Variants in EDEM3 observed in about 807,000 individuals in gnomAD.
The protein encoded by EDEM3 is ER degradation enhancing alpha-mannosidase like protein 3, also known as ER degradation-enhancing alpha-mannosidase-like protein 3.
A neutral mutation model predicts 110.2 loss-of-function variants in EDEM3; 60 were observed. That is an observed-to-expected ratio of 0.54 (90% CI 0.44 to 0.67). The LOEUF (loss-of-function observed/expected upper bound fraction) is 0.67, where lower values mean the gene tolerates loss of function less well. Among genes scored for constraint, EDEM3 ranks in the 30% least tolerant of loss-of-function variants. The pLI, the probability that EDEM3 is intolerant of heterozygous loss-of-function variation, is 0.00. For synonymous variants in EDEM3, 352 were observed against 382.9 expected (o/e 0.92, Z 0.94); for missense variants, 996 against 1,121.0 (o/e 0.89, Z 1.59).
At chr1:184,727,247 G>A (rs966695247) in intron 6 of EDEM3, among the ~76,000 whole-genome samples, 2 of 152,158 alleles carry the variant, frequency 1.3e-5, no homozygotes, top group African/African-American at 2.4e-5. Flanking sequence ...CTGAGATAGC[G>A]CCACAGCACT....
Position 184,691,619 on chromosome 1 carries a change from A to G in EDEM3, c.*2444T>C, listed in dbSNP as rs975565451. ...ATAAAAGTTAACTAAAAAACAAAAC[A>G]CTAAAAAAAAAAAAAACAACTAATG... On this transcript the variant is annotated 3_prime_UTR_variant, in exon 20 of 20. Transcript: ENST00000318130. 9 of 150,612 alleles carry G rather than the reference A, an allele frequency of 6.0e-5. No homozygotes were observed. Among genetic ancestry groups the G allele is most frequent in the African/African-American group, 2.2e-4 (9 of 40,596 alleles). The allele number at this position is 150,612 out of a possible 1,614,324, so 9.3% of individuals were successfully genotyped here. A position where few individuals can be genotyped will look rare whatever the true frequency, so the allele number is the denominator to read the frequency against.
At chr1:184,719,858 G>A (rs533720108) in intron 9 of EDEM3, among the ~76,000 whole-genome samples, 22 of 152,328 alleles carry the variant, frequency 1.4e-4, no homozygotes, top group South Asian at 4.1e-4. Context: ...GCGTTAGCCC[G>A]TGGTTGGTAT....
chr1:184,749,637 A>C (rs1298710132), intron 1 of EDEM3, 45 bp from the exon 2 acceptor site: 5 of 1,301,504 alleles, frequency 3.8e-6, no homozygotes, highest in Non-Finnish European at 5.3e-6. Flanking sequence ...AAAAAAAGGT[A>C]AGTATATTCT....
rs1417002670 is a variant in EDEM3, at chr1:184,734,083, T to C, written c.458+448A>G. On this transcript the variant is annotated intron_variant, in intron 5 of 19. Coordinates refer to ENST00000318130, the MANE Select transcript of EDEM3 (RefSeq NM_025191.4). ...AAGGTAATGCCACAGACTCTGTGTTTCATAATGTTCCAACTTACATCTTTT... is the reference window on the plus strand; with the variant it reads ...AAGGTAATGCCACAGACTCTGTGTTCCATAATGTTCCAACTTACATCTTTT... Among the ~76,000 whole-genome samples, 3 of 152,234 alleles carry C rather than the reference T, an allele frequency of 2.0e-5. No individual in the cohort carries two copies. In the East Asian group the frequency reaches 5.8e-4, roughly 29 times the overall value.
In EDEM3 at chr1:184,717,526, G is replaced by T; in HGVS notation, c.1245+14C>A. ...GAGGCTAAACTTTAAGTAAAATGGGGTATATTTTCTTACTTTATATAAGAA... is the reference window on the plus strand; with the variant it reads ...GAGGCTAAACTTTAAGTAAAATGGGTTATATTTTCTTACTTTATATAAGAA... On this transcript the variant is annotated intron_variant, in intron 12 of 19. Transcript: ENST00000318130. 6.9e-6 allele frequency: 11 copies of T among 1,590,886 alleles called. No homozygotes were observed. Among genetic ancestry groups the T allele is most frequent in the Non-Finnish European group, 8.6e-6 (10 of 1,165,866 alleles).
At chr1:184,703,748 C>T (rs1444419648) in intron 18 of EDEM3, among the ~76,000 whole-genome samples, 1 of 152,138 alleles carries the variant, frequency 6.6e-6, no homozygotes, top group Non-Finnish European at 1.5e-5. Flanking sequence ...GAATGCATGA[C>T]CCATCCTCTT....
chr1:184,698,006 G>A (rs1649418889), intron 19 of EDEM3, among the ~76,000 whole-genome samples: 1 of 151,590 alleles, frequency 6.6e-6, no homozygotes, highest in South Asian at 2.1e-4. Context: ...CACACAAACA[G>A]AGAGGTCCTA....
chr1:184,704,912 A>G (rs907428333), intron 18 of EDEM3, among the ~76,000 whole-genome samples: 6 of 151,424 alleles, frequency 4.0e-5, no homozygotes, highest in Admixed American at 6.6e-5. Context: ...AAAAAAATAT[A>G]TATAAAAATT....
At chr1:184,727,593 T>C (rs544000205) in intron 6 of EDEM3, among the ~76,000 whole-genome samples, 1 of 152,266 alleles carries the variant, frequency 6.6e-6, no homozygotes, top group South Asian at 2.1e-4. Flanking sequence ...ATTCCAGGCA[T>C]TTCTAAACAA....
rs563076370 is a variant in EDEM3, at chr1:184,690,294, C to A, written c.*3769G>T. On this transcript the variant is annotated 3_prime_UTR_variant, in exon 20 of 20. Transcript: ENST00000318130. ...GCATTACCTTTGTGCATGCTACTGACTTGTTGAAAAACTTTCAGTGATTTC... is the reference window on the plus strand; with the variant it reads ...GCATTACCTTTGTGCATGCTACTGAATTGTTGAAAAACTTTCAGTGATTTC... 12 of 152,344 alleles carry A rather than the reference C, an allele frequency of 7.9e-5. No homozygotes were observed. The East Asian group carries it at 1.4e-3, about 17-fold the overall frequency. The allele number at this position is 152,344 out of a possible 1,614,324, so 9.4% of individuals were successfully genotyped here. A position where few individuals can be genotyped will look rare whatever the true frequency, so the allele number is the denominator to read the frequency against.
At chr1:184,712,698 C>G in intron 13 of EDEM3, 100 bp from the exon 14 acceptor site, 2 of 765,998 alleles carry the variant, frequency 2.6e-6, no homozygotes, top group Non-Finnish European at 4.0e-6. Context: ...CTGTCTATAC[C>G]AACTTAGATG....
At chr1:184,747,038 A>T (rs1423992852) in intron 2 of EDEM3, among the ~76,000 whole-genome samples, 1 of 150,866 alleles carries the variant, frequency 6.6e-6, no homozygotes, top group Non-Finnish European at 1.5e-5. Flanking sequence ...AAAAAACATT[A>T]TTTTACTTCA....
chr1:184,739,149 A>G (rs1321859499), intron 2 of EDEM3, among the ~76,000 whole-genome samples: 3 of 151,406 alleles, frequency 2.0e-5, no homozygotes, highest in African/African-American at 7.3e-5. Context: ...TTGCGAACAC[A>G]TTTCTGTAGT....
chr1:184,714,974 A>T (rs979270478), intron 13 of EDEM3, among the ~76,000 whole-genome samples: 1 of 152,162 alleles, frequency 6.6e-6, no homozygotes, highest in Non-Finnish European at 1.5e-5. Flanking sequence ...GAAGAATGGT[A>T]GTTCTTAACC....
intron 19 of EDEM3, among the ~76,000 whole-genome samples, chr1:184,695,851 T>G (rs946601836): frequency 6.6e-6 from 1 of 151,922 alleles, no homozygotes; most frequent in African/African-American, 2.4e-5. Context: ...AATGTAGACA[T>G]GCAGGAAGGT....
At chr1:184,745,756 A>C (rs1355581007) in intron 2 of EDEM3, among the ~76,000 whole-genome samples, 1 of 152,154 alleles carries the variant, frequency 6.6e-6, no homozygotes, top group Non-Finnish European at 1.5e-5. Flanking sequence ...CGATTCTACT[A>C]AAGGAAATTG....
Position 184,754,713 on chromosome 1 carries a change from T to G in EDEM3, c.-67A>C, listed in dbSNP as rs1047645955. On this transcript the variant is annotated 5_prime_UTR_variant, in exon 1 of 20. Transcript: ENST00000318130. ...GGTGAGACACATTGCTGGACGCTGG[T>G]GGCCAGGGGGCTGCTAGCCGTGCCG... The G allele has an allele frequency of 6.9e-7, 1 of 1,451,458 alleles. No individual in the cohort carries two copies. The highest frequency in any genetic ancestry group is 9.0e-7 in the Non-Finnish European group (1 of 1,107,114). The allele number at this position is 1,451,458 out of a possible 1,614,324, so 89.9% of individuals were successfully genotyped here.
intron 19 of EDEM3, among the ~76,000 whole-genome samples, chr1:184,697,403 T>C (rs1487155595): frequency 6.6e-6 from 1 of 151,916 alleles, no homozygotes; most frequent in Admixed American, 6.6e-5. Context: ...GAACAGCATA[T>C]GTCAAAGAGA....
intron 19 of EDEM3, among the ~76,000 whole-genome samples, chr1:184,700,549 C>A (rs1217350634): frequency 1.3e-5 from 2 of 151,924 alleles, no homozygotes; most frequent in African/African-American, 4.8e-5. Context: ...GAAGCAGCTA[C>A]AACACAATCA....
Sources: gnomAD v4.1 joint callset for allele counts (sites outside exome capture counted in the v4.1 genomes callset) on GRCh38, gnomAD v4.1.1 for gene constraint, MANE v1.5 for transcripts, NCBI Gene and HGNC (gene_info 2026-07-23, HGNC 2026-07-21) for gene names.